Variants in ARHGAP32 observed in about 807,000 individuals in gnomAD.
ARHGAP32 encodes Rho GTPase activating protein 32, also known as rho GTPase-activating protein 32.
Under a neutral mutation model 186.5 loss-of-function variants are expected in ARHGAP32, and 51 were observed. The observed-to-expected ratio is 0.27, with a 90% CI of 0.22 to 0.35. The LOEUF is 0.35. Among genes scored for constraint, ARHGAP32 ranks in the 10% least tolerant of loss-of-function variants. The pLI, the probability that ARHGAP32 is intolerant of heterozygous loss-of-function variation, is 1.00. For synonymous variants in ARHGAP32, 950 were observed against 964.3 expected (o/e 0.99, Z 0.27); for missense variants, 2,186 against 2,623.5 (o/e 0.83, Z 3.64).
chr11:129,191,602 A>T (rs569779303), intron 1 of ARHGAP32, among the ~76,000 whole-genome samples: 33 of 151,848 alleles, frequency 2.2e-4, no homozygotes, highest in Non-Finnish European at 4.0e-4. Flanking sequence ...AAAATAACCA[A>T]TCTGTACTTA....
chr11:129,035,065 T>C (rs1270716268), intron 11 of ARHGAP32, among the ~76,000 whole-genome samples: 1 of 152,086 alleles, frequency 6.6e-6, no homozygotes, highest in Non-Finnish European at 1.5e-5. Context: ...GTGCTTCCCC[T>C]TCCACCTTTC....
At chr11:129,037,429 GGACTTGTGAA>G in intron 11 of ARHGAP32, among the ~76,000 whole-genome samples, 1 of 151,824 alleles carries the variant, frequency 6.6e-6, no homozygotes, top group African/African-American at 2.4e-5. Flanking sequence ...AGGAGTTTGA[GGACTTGTGAA>G]CTATGATCAC....
At chr11:129,053,724 C>CT (rs557844605) in intron 10 of ARHGAP32, among the ~76,000 whole-genome samples, 126 of 152,218 alleles carry the variant, frequency 8.3e-4, no homozygotes, top group African/African-American at 2.9e-3. Flanking sequence ...AAAAGCACAC[C>CT]TAAGTACTCA....
chr11:129,037,521 A>ACCTC (rs1428558825), intron 11 of ARHGAP32, among the ~76,000 whole-genome samples: 5 of 151,928 alleles, frequency 3.3e-5, no homozygotes, highest in Non-Finnish European at 4.4e-5. Flanking sequence ...AATACAAAAG[A>ACCTC]ATATCTAAAT....
rs1941648034 is a variant in ARHGAP32, at chr11:129,093,722, A to C, written c.445-15T>G. On this transcript the variant is annotated splice_polypyrimidine_tract_variant and intron_variant, in intron 5 of 22. Transcript: ENST00000682385. The stretch of plus-strand genomic sequence containing the variant: ...GAAAGTGAAAGCTACATCACAGAAA[A>C]AAAAGAAGAGGGGGAAAGAAAGTCA... 6.4e-7 allele frequency: 1 copy of C among 1,552,048 alleles called. No homozygotes were observed. Among genetic ancestry groups the C allele is most frequent in the Admixed American group, 1.9e-5 (1 of 53,286 alleles).
upstream of ARHGAP32, among the ~76,000 whole-genome samples, chr11:129,196,260 G>A (rs1001564998): frequency 4.6e-5 from 7 of 152,182 alleles, no homozygotes; most frequent in South Asian, 2.1e-4. Context: ...CACAGGTTCC[G>A]TATGCATGGG....
At chr11:129,129,688 A>ATT (rs1223234028) in intron 2 of ARHGAP32, among the ~76,000 whole-genome samples, 2 of 152,184 alleles carry the variant, frequency 1.3e-5, no homozygotes, top group East Asian at 3.8e-4. Flanking sequence ...ATATATATAT[A>ATT]TTTTACCCTT....
chr11:128,982,466 G>T (rs1220201332), intron 15 of ARHGAP32, among the ~76,000 whole-genome samples: 2 of 132,896 alleles, frequency 1.5e-5, no homozygotes, highest in African/African-American at 5.3e-5. Flanking sequence ...GTTAAACCAG[G>T]TAAGTGCCGT....
intron 6 of ARHGAP32, among the ~76,000 whole-genome samples, chr11:129,076,986 G>A (rs1809095934): frequency 6.6e-6 from 1 of 152,142 alleles, no homozygotes; most frequent in Non-Finnish European, 1.5e-5. Flanking sequence ...TCCTCACTGG[G>A]GAACCCGAAA....
At chr11:129,029,609 C>T (rs1043653764) in intron 11 of ARHGAP32, among the ~76,000 whole-genome samples, 1 of 152,036 alleles carries the variant, frequency 6.6e-6, no homozygotes, top group African/African-American at 2.4e-5. Flanking sequence ...CGAGACCATC[C>T]TGGCTAACAC....
intron 1 of ARHGAP32, among the ~76,000 whole-genome samples, chr11:129,213,639 T>TA (rs772231999): frequency 2.2e-4 from 33 of 152,138 alleles, no homozygotes; most frequent in Non-Finnish European, 3.8e-4. Context: ...GTAATATAAA[T>TA]AGACAAAACT....
chr11:129,113,627 T>TA (rs1942286134), intron 5 of ARHGAP32, among the ~76,000 whole-genome samples: 1 of 152,074 alleles, frequency 6.6e-6, no homozygotes, highest in Admixed American at 6.6e-5. Flanking sequence ...TGCAAAACTC[T>TA]AAAAAAATTT....
chr11:129,246,823 C>T (rs1945105920), intron 1 of ARHGAP32, among the ~76,000 whole-genome samples: 1 of 152,144 alleles, frequency 6.6e-6, no homozygotes, highest in Non-Finnish European at 1.5e-5. Flanking sequence ...TTTAAAAGGG[C>T]CTATCCTCTG....
At chr11:129,052,975 C>A (rs540112206) in intron 10 of ARHGAP32, among the ~76,000 whole-genome samples, 39 of 151,988 alleles carry the variant, frequency 2.6e-4, no homozygotes, top group Non-Finnish European at 4.9e-4. Flanking sequence ...ACTACTGCCA[C>A]AGCCATTTTG....
At chr11:129,196,210 G>C (rs1215590138), upstream of ARHGAP32, among the ~76,000 whole-genome samples, 1 of 152,202 alleles carries the variant, frequency 6.6e-6, no homozygotes, top group Admixed American at 6.5e-5. Flanking sequence ...TTTCCTAGTA[G>C]CAGTGGTAAG....
intron 2 of ARHGAP32, among the ~76,000 whole-genome samples, chr11:129,135,711 G>A (rs746082364): frequency 8.7e-4 from 133 of 152,070 alleles, no homozygotes; most frequent in Non-Finnish European, 1.6e-3. Flanking sequence ...AGCTTGCAAT[G>A]AGCTGAGATC....
At chr11:129,256,853 T>C (rs1591722955) in intron 1 of ARHGAP32, among the ~76,000 whole-genome samples, 2 of 152,146 alleles carry the variant, frequency 1.3e-5, no homozygotes, top group South Asian at 2.1e-4. Context: ...CTTGCTGACA[T>C]TGGTTTGGCA....
At chr11:129,096,228 T>G (rs1387234974) in intron 5 of ARHGAP32, among the ~76,000 whole-genome samples, 1 of 151,958 alleles carries the variant, frequency 6.6e-6, no homozygotes, top group Non-Finnish European at 1.5e-5. Context: ...ATAAAAATAA[T>G]AAGAAAGAGA....
intron 6 of ARHGAP32, among the ~76,000 whole-genome samples, chr11:129,073,631 A>C (rs1475339846): frequency 6.6e-6 from 1 of 152,136 alleles, no homozygotes; most frequent in African/African-American, 2.4e-5. Context: ...AAAATACCAG[A>C]AGGAGAAGAA....
Sources: gnomAD v4.1 joint callset for allele counts (sites outside exome capture counted in the v4.1 genomes callset) on GRCh38, gnomAD v4.1.1 for gene constraint, MANE v1.5 for transcripts, NCBI Gene and HGNC (gene_info 2026-07-23, HGNC 2026-07-21) for gene names.